Variants in GOLGA8H observed in about 807,000 individuals in gnomAD.
GOLGA8H encodes the protein golgin A8 family member H.
A neutral mutation model predicts 82.7 loss-of-function variants in GOLGA8H; 47 were observed. The observed-to-expected ratio is 0.57, with a 90% CI of 0.45 to 0.73. The LOEUF is 0.73. Among genes scored for constraint, GOLGA8H ranks in the 30% least tolerant of loss-of-function variants. The pLI is 0.00. For missense variants in GOLGA8H, 372 were observed against 661.0 expected (o/e 0.56, Z 4.79); for synonymous variants, 108 against 241.6 (o/e 0.45, Z 5.13).
At chr15:30,612,448 G>T in intron 13 of GOLGA8H, 149 bp from the exon 14 acceptor site, 1 of 1,036,040 alleles carries the variant, frequency 9.7e-7, no homozygotes, top group South Asian at 1.4e-5. Flanking sequence ...TGAACCAGCT[G>T]CAGCAGCAGG....
intron 10 of GOLGA8H, 79 bp downstream of exon 10, chr15:30,610,185 G>A (rs2059996068): frequency 6.3e-7 from 1 of 1,586,570 alleles, no homozygotes; most frequent in South Asian, 1.1e-5. Flanking sequence ...GGGAATAGTA[G>A]AGCCAGAGGT....
In GOLGA8H at chr15:30,609,808, G is replaced by C. The variant is rs1373262940; in HGVS notation, c.594G>C (p.Leu198Phe). The change falls in exon 9 of 19, where the codon TTG (leucine) becomes TTC (phenylalanine). Residue 198 changes from leucine (L) to phenylalanine (F), a missense_variant and splice_region_variant. Physicochemically the swap from Leu to Phe is conservative, Grantham distance 22. Transcript: ENST00000566740. ...MATQKKKANQLSSRSKARTEW... is the reference protein window; with the variant it reads ...MATQKKKANQFSSRSKARTEW... ...ACTTCTCACTCTTCACCATCCAGTT[G>C]TCCAGCCGCAGCAAAGCACGTACGG... The C allele has an allele frequency of 5.8e-5, 89 of 1,528,580 alleles. No individual in the cohort carries two copies. The highest frequency in any genetic ancestry group is 8.0e-5 in the Non-Finnish European group (89 of 1,119,076). 94.7% of individuals were successfully genotyped at this position (1,528,580 alleles called of 1,614,324 possible).
rs1419352030 is a variant in GOLGA8H at position 30,617,656 on chromosome 15, G to T, written c.*3095G>T. On this transcript the variant is annotated 3_prime_UTR_variant, in exon 19 of 19. Transcript: ENST00000566740. ...GTTTATGAATTATTGTAAACAGAAT[G>T]TGTCATGGAAATACTGAAAGATTTT... 1 of 152,184 alleles carries T rather than the reference G, an allele frequency of 6.6e-6. No individual in the cohort carries two copies. Among genetic ancestry groups the T allele is most frequent in the Non-Finnish European group, 1.5e-5 (1 of 68,020 alleles). The allele number at this position is 152,184 out of a possible 1,614,324, so 9.4% of individuals were successfully genotyped here.
Position 30,608,624 on chromosome 15 carries a change from C to G in GOLGA8H, c.482-23C>G, listed in dbSNP as rs765441885. On this transcript the variant is annotated intron_variant, in intron 7 of 18. Coordinates refer to ENST00000566740, the MANE Select transcript of GOLGA8H (RefSeq NM_001282490.2). ...GTCTTCAGGGGGAGTCCTTTGGGCC[C>G]CATCTCAACTTTCTCATTACAGAAA... 1.9e-6 allele frequency: 3 copies of G among 1,601,708 alleles called. No individual in the cohort carries two copies. The East Asian group carries it at 6.7e-5, about 36-fold the overall frequency.
At chr15:30,609,719 T>C in intron 8 of GOLGA8H, 87 bp from the exon 9 acceptor site, 1 of 1,562,034 alleles carries the variant, frequency 6.4e-7, no homozygotes, top group Non-Finnish European at 8.8e-7. Flanking sequence ...GAGTTGTATA[T>C]TGGGCCTAGC....
chr15:30,606,296 C>A lies in GOLGA8H; in HGVS notation c.168+334C>A, dbSNP rs2648187. Among the ~76,000 whole-genome samples, 104 of 151,040 alleles carry A rather than the reference C, an allele frequency of 6.9e-4. 1 individual carries two copies. In the Middle Eastern group the frequency reaches 0.01, roughly 15 times the overall value. On this transcript the variant is annotated intron_variant, in intron 2 of 18. Transcript: ENST00000566740. ...TGTGAACCTGGGAGGTGGAGCTTGC[C>A]GTAGCCAAGATTATGCCACTGCACT...
Position 30,615,376 on chromosome 15 carries a change from A to G in GOLGA8H, c.*815A>G, listed in dbSNP as rs547926645. On this transcript the variant is annotated 3_prime_UTR_variant, in exon 19 of 19. Coordinates refer to ENST00000566740, the MANE Select transcript of GOLGA8H (RefSeq NM_001282490.2). ...TTGCACTCTTTTTCGATGACCTAAA[A>G]AGGGCTTATTTCTGAGGAATGAAAG... 6.6e-6 allele frequency among the ~76,000 whole-genome samples: 1 copy of G among 152,068 alleles called. No individual in the cohort carries two copies. Among genetic ancestry groups the G allele is most frequent in the South Asian group, 2.1e-4 (1 of 4,818 alleles).
In GOLGA8H at chr15:30,616,332, CATG is replaced by C. The variant is rs1306735285; in HGVS notation, c.*1774_*1776del. ...CTCCATTTTTAGCATTTGGCATCCT[CATG>C]ATACTTCTATAAATATGACATTAAC... On this transcript the variant is annotated 3_prime_UTR_variant, in exon 19 of 19. Coordinates refer to ENST00000566740, the MANE Select transcript of GOLGA8H (RefSeq NM_001282490.2). 6.8e-6 allele frequency among the ~76,000 whole-genome samples: 1 copy of C among 147,016 alleles called. No homozygotes were observed. Among genetic ancestry groups the C allele is most frequent in the Non-Finnish European group, 1.5e-5 (1 of 66,780 alleles).
chr15:30,606,377 G>C (rs1442394343), intron 2 of GOLGA8H, among the ~76,000 whole-genome samples: 2 of 149,654 alleles, frequency 1.3e-5, no homozygotes, highest in Admixed American at 1.3e-4. Flanking sequence ...AAGGAATTCT[G>C]GATTTGAATC....
chr15:30,607,670 A>G lies in GOLGA8H; in HGVS notation c.310-360A>G, dbSNP rs576973564. On this transcript the variant is annotated intron_variant, in intron 4 of 18. Transcript: ENST00000566740. ...TCCTTTTCCATCCTATATCTGCTGTAAAGAACCGTACCTGGTCCATACATG... is the reference window on the plus strand; with the variant it reads ...TCCTTTTCCATCCTATATCTGCTGTGAAGAACCGTACCTGGTCCATACATG... The G allele has an allele frequency of 1.3e-4, 71 of 526,498 alleles. 2 individuals are homozygous for G. The highest frequency in any genetic ancestry group is 7.1e-4 in the Admixed American group (22 of 31,034). 32.6% of individuals were successfully genotyped at this position (526,498 alleles called of 1,614,324 possible).
At chr15:30,606,016 G>A (rs2059918778) in intron 2 of GOLGA8H, 54 bp downstream of exon 2, 1 of 1,561,802 alleles carries the variant, frequency 6.4e-7, no homozygotes, top group Non-Finnish European at 8.6e-7. Context: ...GGGCAATAGA[G>A]GGTAATTCTT....
At chr15:30,606,452 C>G (rs1019268213) in intron 2 of GOLGA8H, among the ~76,000 whole-genome samples, 7 of 151,194 alleles carry the variant, frequency 4.6e-5, no homozygotes, top group African/African-American at 9.8e-5. Flanking sequence ...CATCGGGCCT[C>G]TCTTTTCACA....
rs749051488 is a variant in GOLGA8H at position 30,608,527 on chromosome 15, A to G, written c.457A>G (p.Lys153Glu). The change falls in exon 7 of 19, where the codon AAA becomes GAA. Residue 153 changes from lysine to glutamate, a missense_variant. By Grantham distance (56) the Lys-to-Glu change is moderately conservative. Coordinates refer to ENST00000566740, the MANE Select transcript of GOLGA8H (RefSeq NM_001282490.2). ...GKLNTDLYHM[K>E]RSLRYFEEKS... is the part of the protein sequence containing the mutation. ...ACTAAATACGGACCTGTACCACATG[A>G]AACGTTCTCTCAGATACTTTGAAGG... 120 of 1,610,554 alleles carry G rather than the reference A, an allele frequency of 7.5e-5. 1 individual carries two copies. Among genetic ancestry groups the G allele is most frequent in the African/African-American group, 5.8e-4 (43 of 74,344 alleles).
rs756901294 is a variant in GOLGA8H, at chr15:30,608,645, A to G, written c.482-2A>G. The G allele has an allele frequency of 9.4e-6, 15 of 1,596,462 alleles. No individual in the cohort carries two copies. In the South Asian group the frequency reaches 1.1e-4, roughly 12 times the overall value. ...GGCCCCATCTCAACTTTCTCATTACAGAAAAGTCCAAGGATCTGGCTGTCT... is the reference window on the plus strand; with the variant it reads ...GGCCCCATCTCAACTTTCTCATTACGGAAAAGTCCAAGGATCTGGCTGTCT... On this transcript the variant is annotated splice_acceptor_variant, in intron 7 of 18. Transcript: ENST00000566740. LOFTEE classifies it high-confidence loss of function.
At position 30,616,922 on chromosome 15, in the gene GOLGA8H, T is replaced by G. The variant is rs887479080; in HGVS notation, c.*2361T>G. 1 of 150,054 alleles carries G rather than the reference T, an allele frequency of 6.7e-6. No individual in the cohort carries two copies. Among genetic ancestry groups the G allele is most frequent in the African/African-American group, 2.5e-5 (1 of 40,204 alleles). The allele number at this position is 150,054 out of a possible 1,614,324, so 9.3% of individuals were successfully genotyped here. A position where few individuals can be genotyped will look rare whatever the true frequency, so the allele number is the denominator to read the frequency against. ...ATGTGTTCATGAGGTGCCTATGGAT[T>G]AAATCACACACTGGCATATTTAAGC... On this transcript the variant is annotated 3_prime_UTR_variant, in exon 19 of 19. Transcript: ENST00000566740.
In GOLGA8H at chr15:30,614,783, CTTTT is replaced by C. The variant is rs1408923697; in HGVS notation, c.*225_*228del. Among the ~76,000 whole-genome samples, 1 of 144,246 alleles carries C rather than the reference CTTTT, an allele frequency of 6.9e-6. No individual in the cohort carries two copies. The highest frequency in any genetic ancestry group is 1.5e-5 in the Non-Finnish European group (1 of 65,828). 94.6% of individuals were successfully genotyped at this position (144,246 alleles called of 152,430 possible). On this transcript the variant is annotated 3_prime_UTR_variant, in exon 19 of 19. Transcript: ENST00000566740. ...CACTCTGGCATCCTTTAGCATTTTT[CTTTT>C]TTAATTTCATAATTGTAGGTCATTA...
In GOLGA8H at chr15:30,610,021, T is replaced by C; in HGVS notation, c.701T>C (p.Val234Ala). The C allele has an allele frequency of 6.2e-7, 1 of 1,611,566 alleles. No homozygotes were observed. Among genetic ancestry groups the C allele is most frequent in the Non-Finnish European group, 8.5e-7 (1 of 1,179,708 alleles). ...LTQLKESFQQ[V>A]QLERDECAEH... is the part of the protein sequence containing the mutation. ...CAGTTGAAGGAGTCATTTCAACAAG[T>C]CCAATTAGAAAGAGATGAGTGTGCT... Residue 234 changes from valine (V) to alanine (A), a missense_variant, in exon 10 of 19, where the codon GTC becomes GCC. Transcript: ENST00000566740.
chr15:30,611,538 C>T (rs2060020314), intron 13 of GOLGA8H, among the ~76,000 whole-genome samples, 192 bp downstream of exon 13: 1 of 151,238 alleles, frequency 6.6e-6, no homozygotes, highest in Non-Finnish European at 1.5e-5. Flanking sequence ...GCCCTGGGCT[C>T]CTCTCAGGTC....
In GOLGA8H at chr15:30,609,841, G is replaced by A. The variant is rs1173937644; in HGVS notation, c.627G>A (p.Lys209=). The part of the protein sequence containing the change: ...SSRSKARTEW[K]LEQSMREEAL... ...GCAGCAAAGCACGTACGGAGTGGAA[G>A]TTAGAGCAGTCCATGCGGGAGGAGG... The change falls in exon 9 of 19, where the codon AAG becomes AAA. Residue 209 remains lysine, a synonymous_variant. Coordinates refer to ENST00000566740, the MANE Select transcript of GOLGA8H (RefSeq NM_001282490.2). 2.5e-6 allele frequency: 4 copies of A among 1,600,330 alleles called. No homozygotes were observed. In the South Asian group the frequency reaches 3.3e-5, roughly 13 times the overall value.
Sources: gnomAD v4.1 joint callset for allele counts (sites outside exome capture counted in the v4.1 genomes callset) on GRCh38, gnomAD v4.1.1 for gene constraint, MANE v1.5 for transcripts, NCBI Gene and HGNC (gene_info 2026-07-23, HGNC 2026-07-21) for gene names.